The following LHFPL3 variants were observed in gnomAD, a reference collection of about 807,000 sequenced individuals.
LHFPL3 encodes LHFPL tetraspan subfamily member 3, also known as LHFPL tetraspan subfamily member 3 protein.
In LHFPL3, 5 loss-of-function variants were observed where a neutral mutation model predicts 19.3. The observed-to-expected ratio is 0.26, with a 90% CI of 0.14 to 0.54. The LOEUF (loss-of-function observed/expected upper bound fraction) is 0.54, where lower values mean the gene tolerates loss of function less well. Among genes scored for constraint, LHFPL3 ranks in the 20% least tolerant of loss-of-function variants. LHFPL3 has a pLI of 0.94. For missense variants in LHFPL3, 249 were observed against 307.4 expected, an observed-to-expected ratio of 0.81 and a Z score of 1.42; for synonymous variants, 133 against 126.2, an observed-to-expected ratio of 1.05 and a Z score of -0.36.
chr7:104,529,125 A>G (rs1294089632), intron 1 of LHFPL3, among the ~76,000 whole-genome samples: 1 of 152,250 alleles, frequency 6.6e-6, no homozygotes, highest in Non-Finnish European at 1.5e-5. Context: ...GAGATGGCTT[A>G]TTACCTCTTT....
intron 1 of LHFPL3, among the ~76,000 whole-genome samples, chr7:104,684,418 G>A (rs1351383255): frequency 6.6e-6 from 1 of 152,216 alleles, no homozygotes; most frequent in Non-Finnish European, 1.5e-5. Flanking sequence ...GCTCAATTCT[G>A]ACATTGTAGA....
chr7:104,667,264 TG>T (rs112543248), intron 1 of LHFPL3, among the ~76,000 whole-genome samples: 54 of 148,168 alleles, frequency 3.6e-4, no homozygotes, highest in Non-Finnish European at 6.7e-4. Flanking sequence ...TCTGTTTTCT[TG>T]GGGGGGGGAA....
intron 1 of LHFPL3, among the ~76,000 whole-genome samples, chr7:104,375,660 A>T (rs1033991731): frequency 6.6e-6 from 1 of 152,240 alleles, no homozygotes; most frequent in African/African-American, 2.4e-5. Flanking sequence ...CGTAACATTT[A>T]GATTTGCACA....
intron 1 of LHFPL3, among the ~76,000 whole-genome samples, chr7:104,570,303 G>A (rs990065723): frequency 6.6e-6 from 1 of 152,114 alleles, no homozygotes; most frequent in Non-Finnish European, 1.5e-5. Flanking sequence ...CCACACTTTG[G>A]CCAAATGTGG....
At chr7:104,597,585 T>A (rs6964099) in intron 1 of LHFPL3, among the ~76,000 whole-genome samples, 140,341 of 152,226 alleles carry the variant, frequency 0.92, 64,985 homozygotes, top group East Asian at 0.99. Flanking sequence ...GAATGTGATT[T>A]CTTTCATTGA....
intron 2 of LHFPL3, among the ~76,000 whole-genome samples, chr7:104,849,127 C>T (rs1471311144): frequency 1.3e-5 from 2 of 152,144 alleles, no homozygotes; most frequent in Non-Finnish European, 2.9e-5. Flanking sequence ...GTTGGGGTTT[C>T]ACTGTGTTGC....
chr7:104,691,138 T>G (rs1236978789), intron 1 of LHFPL3, among the ~76,000 whole-genome samples: 1 of 152,216 alleles, frequency 6.6e-6, no homozygotes, highest in East Asian at 1.9e-4. Flanking sequence ...CATCCTGAAC[T>G]GCCTATCATG....
intron 2 of LHFPL3, chr7:104,744,303 A>G (rs947124548): frequency 6.6e-6 from 1 of 152,186 alleles, no homozygotes; most frequent in Non-Finnish European, 1.5e-5. Context: ...TTACTTGGAT[A>G]TTAACTTTAT....
intron 1 of LHFPL3, among the ~76,000 whole-genome samples, chr7:104,454,040 C>T (rs773123736): frequency 1.3e-5 from 2 of 152,272 alleles, no homozygotes; most frequent in South Asian, 2.1e-4. Flanking sequence ...CTGCCTAATA[C>T]GCCTGTCTAC....
chr7:104,745,852 G>T (rs1241454622), intron 2 of LHFPL3, among the ~76,000 whole-genome samples: 1 of 152,152 alleles, frequency 6.6e-6, no homozygotes, highest in Non-Finnish European at 1.5e-5. Flanking sequence ...GAAAAACTTA[G>T]GTCAACAATT....
intron 1 of LHFPL3, among the ~76,000 whole-genome samples, chr7:104,632,048 G>A (rs1308267798): frequency 6.6e-6 from 1 of 152,160 alleles, no homozygotes; most frequent in African/African-American, 2.4e-5. Context: ...ATTTCTTTGG[G>A]CTTCCTTCTT....
intron 1 of LHFPL3, among the ~76,000 whole-genome samples, chr7:104,526,073 A>T (rs977168119): frequency 4.6e-5 from 7 of 152,086 alleles, no homozygotes; most frequent in Admixed American, 3.3e-4. Flanking sequence ...CTATTTATCA[A>T]TTCAAGAAAA....
chr7:104,516,620 G>A (rs1280332747), intron 1 of LHFPL3, among the ~76,000 whole-genome samples: 3 of 151,892 alleles, frequency 2.0e-5, no homozygotes, highest in Non-Finnish European at 4.4e-5. Context: ...AGTCAGAATG[G>A]CAATGATTAA....
At chr7:104,644,699 G>A (rs1030435018) in intron 1 of LHFPL3, among the ~76,000 whole-genome samples, 6 of 152,000 alleles carry the variant, frequency 3.9e-5, no homozygotes, top group African/African-American at 4.8e-5. Flanking sequence ...AGGCCTTGGA[G>A]CAGACTCTTC....
intron 1 of LHFPL3, among the ~76,000 whole-genome samples, chr7:104,707,697 T>A (rs2116200523): frequency 6.6e-6 from 1 of 152,310 alleles, no homozygotes; most frequent in South Asian, 2.1e-4. Context: ...CCATTCTGGG[T>A]TATAGAGGCC....
At chr7:104,465,455 C>T (rs1005076646) in intron 1 of LHFPL3, among the ~76,000 whole-genome samples, 2 of 152,150 alleles carry the variant, frequency 1.3e-5, no homozygotes, top group Non-Finnish European at 2.9e-5. Flanking sequence ...TTAGTCTGTT[C>T]TTATGCTGCT....
intron 2 of LHFPL3, among the ~76,000 whole-genome samples, chr7:104,887,909 G>GT (rs1367370198): frequency 1.3e-5 from 2 of 152,206 alleles, no homozygotes; most frequent in African/African-American, 4.8e-5. Context: ...TTTCAGAGTT[G>GT]TTTGGGGGTT....
chr7:104,470,508 A>G (rs1033103517), intron 1 of LHFPL3, among the ~76,000 whole-genome samples: 1 of 152,252 alleles, frequency 6.6e-6, no homozygotes, highest in South Asian at 2.1e-4. Context: ...TGCTTTGTCC[A>G]CGAACAGTAC....
chr7:104,573,076 C>T (rs528786811), intron 1 of LHFPL3, among the ~76,000 whole-genome samples: 1 of 152,246 alleles, frequency 6.6e-6, no homozygotes, highest in South Asian at 2.1e-4. Flanking sequence ...TAGGAAGTTT[C>T]CTTTCAATCG....
Sources: allele counts gnomAD v4.1 joint callset (sites outside exome capture counted in the v4.1 genomes callset), GRCh38; gene constraint gnomAD v4.1.1; transcripts MANE v1.5; gene names NCBI Gene and HGNC (gene_info 2026-07-23, HGNC 2026-07-21).